MUC4: variants seen among roughly 807,000 people sequenced by gnomAD.
MUC4 encodes the protein mucin-4.
In MUC4, 202 loss-of-function variants were observed where a neutral mutation model predicts 257.9. That is an observed-to-expected ratio of 0.78 (90% CI 0.70 to 0.88). The LOEUF is 0.88. Among genes scored for constraint, MUC4 ranks in the 40% least tolerant of loss-of-function variants. The pLI is 0.00. For missense variants in MUC4, 5,976 were observed against 6,513.7 expected (o/e 0.92, Z 2.84); for synonymous variants, 2,351 against 2,757.1 (o/e 0.85, Z 4.62).
At chr3:195,763,967 ATCC>A (rs560466806) in intron 11 of MUC4, 75 bp downstream of exon 11, 699,622 of 1,531,192 alleles carry the variant, frequency 0.46, 165,676 homozygotes, top group East Asian at 0.73. Flanking sequence ...CCTACTCCTT[ATCC>A]AGATGCCACC....
chr3:195,766,816 C>T (rs942004539), intron 7 of MUC4, 65 bp from the exon 8 acceptor site: 27 of 1,456,700 alleles, frequency 1.9e-5, no homozygotes, highest in South Asian at 4.6e-5. Flanking sequence ...GGTTGCAAGG[C>T]GTCCATTCAT....
chr3:195,754,279 A>G lies in MUC4; in HGVS notation c.15262T>C (p.Cys5088Arg). The change falls in exon 19 of 25, where the codon TGC becomes CGC. Residue 5088 changes from cysteine (C) to arginine (R), a missense_variant. Physicochemically the swap from Cys to Arg is radical, Grantham distance 180. Transcript: ENST00000463781. ...GCCTCGCAGCCCTTCCCAGGAACGC[A>G]GTGGACACTCGGGAAGCACGGCTCC... is the stretch of plus-strand genomic sequence containing the variant. ...CEEPCFPSVH[C>R]VPGKGCEACP... is the part of the protein sequence containing the mutation. The G allele has an allele frequency of 6.2e-7, 1 of 1,613,986 alleles. No individual in the cohort carries two copies.
At chr3:195,751,513 C>A in intron 21 of MUC4, 2 of 590,338 alleles carry the variant, frequency 3.4e-6, no homozygotes. Context: ...CCCCCTCAGC[C>A]TCATATGACG....
At position 195,787,276 on chromosome 3, in the gene MUC4, G is replaced by C. The variant is rs763735233; in HGVS notation, c.4304C>G (p.Thr1435Arg). ...TACAGGAAGAGAGGTGGCGTGATCT[G>C]TGGACACTGAGGAAGCGTCGGTGAC... ...LPVTDASSVS[T>R]DHATSLPVTI... Residue 1435 changes from threonine (T) to arginine (R), a missense_variant, in exon 2 of 25, where the codon ACA (threonine) becomes AGA (arginine). Thr to Arg is a moderately conservative substitution (Grantham distance 71). This residue lies in a region of MUC4 where 58 missense variants were observed against 65.4 expected (regional missense o/e 0.89). Coordinates refer to ENST00000463781, the MANE Select transcript of MUC4 (RefSeq NM_018406.7). The C allele has an allele frequency of 9.3e-6, 3 of 323,688 alleles. No individual in the cohort carries two copies. The highest frequency in any genetic ancestry group is 1.4e-4 in the East Asian group (2 of 14,284). 20.1% of individuals were successfully genotyped at this position (323,688 alleles called of 1,614,324 possible). A position where few individuals can be genotyped will look rare whatever the true frequency, so the allele number is the denominator to read the frequency against.
intron 17 of MUC4, among the ~76,000 whole-genome samples, chr3:195,758,380 A>G (rs1466429433): frequency 1.3e-5 from 2 of 152,150 alleles, no homozygotes; most frequent in Admixed American, 6.5e-5. Flanking sequence ...AAGAGCAAGA[A>G]AGGTACCAAA....
Position 195,785,444 on chromosome 3 carries a change from C to A in MUC4, c.6136G>T (p.Asp2046Tyr), listed in dbSNP as rs1408953580. 4 of 1,511,354 alleles carry A rather than the reference C, an allele frequency of 2.6e-6. No individual in the cohort carries two copies. The highest frequency in any genetic ancestry group is 2.0e-5 in the Admixed American group (1 of 49,192). 93.6% of individuals were successfully genotyped at this position (1,511,354 alleles called of 1,614,324 possible). A position where few individuals can be genotyped will look rare whatever the true frequency, so the allele number is the denominator to read the frequency against. Residue 2046 changes from aspartate (D) to tyrosine (Y), a missense_variant, in exon 2 of 25, where the codon GAC becomes TAC. Coordinates refer to ENST00000463781, the MANE Select transcript of MUC4 (RefSeq NM_018406.7). ...TDTSSASTGQDTPLPVTSLSS... is the reference protein window; with the variant it reads ...TDTSSASTGQYTPLPVTSLSS... ...AGGCTGGTGACAGGAAGAGGGGTGTCCTGACCTGTGGATGCTGAGGAAGTA... is the reference window on the plus strand; with the variant it reads ...AGGCTGGTGACAGGAAGAGGGGTGTACTGACCTGTGGATGCTGAGGAAGTA...
Position 195,787,530 on chromosome 3 carries a change from AGCGTCG to A in MUC4, c.4044_4049del (p.Asp1349_Ala1350del). 1.1e-6 allele frequency: 1 copy of A among 873,062 alleles called. No homozygotes were observed. The highest frequency in any genetic ancestry group is 1.6e-6 in the Non-Finnish European group (1 of 634,604). 54.1% of individuals were successfully genotyped at this position (873,062 alleles called of 1,614,324 possible). ...TGGTGTGACCTGTGGATACTGAGGA[AGCGTCG>A]GTGACAGGAAGAGGGGTGGTGTCAC... On this transcript the variant is annotated inframe_deletion, in exon 2 of 25. Transcript: ENST00000463781.
chr3:195,799,263 C>T (rs904452604), intron 1 of MUC4, among the ~76,000 whole-genome samples: 9 of 75,892 alleles, frequency 1.2e-4, no homozygotes, highest in Middle Eastern at 5.2e-3. Flanking sequence ...GTGTGTGTGA[C>T]ACTGTGTGTG....
chr3:195,789,334 C>T lies in MUC4; in HGVS notation c.2246G>A (p.Gly749Glu), dbSNP rs1234360284. Residue 749 changes from glycine to glutamate, a missense_variant, in exon 2 of 25, where the codon GGG (glycine) becomes GAG (glutamate). Gly to Glu is a moderately conservative substitution (Grantham distance 98). This residue lies in a region of MUC4 where 1,583 missense variants were observed against 1,257.4 expected (regional missense o/e 1.26). Coordinates refer to ENST00000463781, the MANE Select transcript of MUC4 (RefSeq NM_018406.7). Reference sequence around the variant, plus strand: ...TGATGTCCATTGTCCTTCTGGGCCCCCTGGTGTTGACACTACAGAGTTGGC... The same window carrying T: ...TGATGTCCATTGTCCTTCTGGGCCCTCTGGTGTTGACACTACAGAGTTGGC... ...TLANSVVSTPGGPEGQWTSAS... is the reference protein window; with the variant it reads ...TLANSVVSTPEGPEGQWTSAS... 21 of 1,613,754 alleles carry T rather than the reference C, an allele frequency of 1.3e-5. No individual in the cohort carries two copies. The highest frequency in any genetic ancestry group is 1.8e-5 in the Non-Finnish European group (21 of 1,179,878).
At chr3:195,794,713 G>A (rs936634607) in intron 1 of MUC4, among the ~76,000 whole-genome samples, 2 of 152,116 alleles carry the variant, frequency 1.3e-5, no homozygotes, top group African/African-American at 4.8e-5. Flanking sequence ...TACTCAGAGA[G>A]ACAAAGTCTC....
rs762161806 is a variant in MUC4, at chr3:195,774,185, C to T, written c.13064G>A (p.Arg4355His). ...ATGFPLGSSLRDSLYFTDNGQ... is the reference protein window; with the variant it reads ...ATGFPLGSSLHDSLYFTDNGQ... ...GCCCGGACTCACGTAGAGGGAATCA[C>T]GGAGAGAGGAGCCAAGGGGGAAGCC... Residue 4355 changes from arginine to histidine, a missense_variant, in exon 4 of 25, where the codon CGT (arginine) becomes CAT (histidine). Physicochemically the swap from Arg to His is conservative, Grantham distance 29. This residue lies in a region of MUC4 where 233 missense variants were observed against 171.2 expected (regional missense o/e 1.36). Transcript: ENST00000463781. 7.5e-6 allele frequency: 12 copies of T among 1,607,740 alleles called. No individual in the cohort carries two copies. The highest frequency in any genetic ancestry group is 2.3e-5 in the East Asian group (1 of 44,084).
At position 195,788,816 on chromosome 3, in the gene MUC4, T is replaced by C; in HGVS notation, c.2764A>G (p.Ile922Val). The C allele has an allele frequency of 6.2e-7, 1 of 1,613,896 alleles. No homozygotes were observed. The highest frequency in any genetic ancestry group is 1.3e-5 in the African/African-American group (1 of 75,002). The stretch of plus-strand genomic sequence containing the variant: ...TCGGTTGCCTGGGACGCCAGGCTGA[T>C]AGTGTCAGACCCTCTGCTGGTTCTT... The part of the protein sequence containing the change: ...RTRTSRGSDT[I>V]SLASQATDTF... The change falls in exon 2 of 25, where the codon ATC becomes GTC. Residue 922 changes from isoleucine (I) to valine (V), a missense_variant. Coordinates refer to ENST00000463781, the MANE Select transcript of MUC4 (RefSeq NM_018406.7).
At chr3:195,759,380 G>A in intron 16 of MUC4, 119 bp from the exon 17 acceptor site, 1 of 1,337,338 alleles carries the variant, frequency 7.5e-7, no homozygotes, top group Non-Finnish European at 1.0e-6. Context: ...CCCACCTCTG[G>A]AAGAAGGAAT....
chr3:195,757,154 GA>G lies in MUC4; in HGVS notation c.15160del (p.Ser5054ProfsTer48), dbSNP rs1296587556. On this transcript the variant is annotated frameshift_variant, in exon 18 of 25. Coordinates refer to ENST00000463781, the MANE Select transcript of MUC4 (RefSeq NM_018406.7). LOFTEE classifies it high-confidence loss of function. The surrounding 1 kb of genome is among the most constrained non-coding windows in gnomAD (Gnocchi z 4.8). ...YNQTSRVGNSSLEVAGCKCDG... is the reference protein window; with the variant it reads ...YNQTSRVGNSXLEVAGCKCDG... ...CCACCTCCCAACACTCACCTCCAGG[GA>G]GGAGTTGCCCACCCTGCTGGTCTGA... is the stretch of plus-strand genomic sequence containing the variant. 1 of 1,594,128 alleles carries G rather than the reference GA, an allele frequency of 6.3e-7. No homozygotes were observed. The highest frequency in any genetic ancestry group is 2.3e-5 in the East Asian group (1 of 44,236).
chr3:195,811,655 C>T, intron 1 of MUC4, 81 bp downstream of exon 1: 4 of 1,266,982 alleles, frequency 3.2e-6, no homozygotes, highest in Non-Finnish European at 4.6e-6. Flanking sequence ...TCTCTGTCTC[C>T]CCGGACCTCT....
chr3:195,767,988 G>A (rs1419312934), intron 7 of MUC4, among the ~76,000 whole-genome samples: 2 of 149,756 alleles, frequency 1.3e-5, no homozygotes, highest in East Asian at 3.9e-4. Context: ...ACCGTCCCCA[G>A]GTGTGGGGTC....
At position 195,779,172 on chromosome 3, in the gene MUC4, T is replaced by G. The variant is rs1385699868; in HGVS notation, c.12408A>C (p.Ser4136=). ...GAGGCGTGGTGTCACCTGTGGATAC[T>G]GAGGAAAGGCTGGTGACAGGAAGAG... is the stretch of plus-strand genomic sequence containing the variant. ...ATPLPVTSLS[S]VSTGDTTPLP... is the part of the protein sequence containing the mutation. Residue 4136 remains serine, a synonymous_variant, in exon 2 of 25, where the codon TCA becomes TCC. Coordinates refer to ENST00000463781, the MANE Select transcript of MUC4 (RefSeq NM_018406.7). 5 of 1,405,066 alleles carry G rather than the reference T, an allele frequency of 3.6e-6. No individual in the cohort carries two copies. The highest frequency in any genetic ancestry group is 1.3e-5 in the South Asian group (1 of 79,452). 87.0% of individuals were successfully genotyped at this position (1,405,066 alleles called of 1,614,324 possible).
chr3:195,793,171 T>C (rs758355161), intron 1 of MUC4, among the ~76,000 whole-genome samples: 1 of 151,654 alleles, frequency 6.6e-6, no homozygotes, highest in Admixed American at 6.6e-5. Flanking sequence ...AATTAATATA[T>C]CACAACTGTA....
At position 195,790,529 on chromosome 3, in the gene MUC4, T is replaced by G. The variant is rs751894589; in HGVS notation, c.1051A>C (p.Thr351Pro). 21 of 1,613,786 alleles carry G rather than the reference T, an allele frequency of 1.3e-5. No homozygotes were observed. The highest frequency in any genetic ancestry group is 2.2e-5 in the South Asian group (2 of 91,076). The change falls in exon 2 of 25, where the codon ACT becomes CCT. Residue 351 changes from threonine (T) to proline (P), a missense_variant. By Grantham distance (38) the Thr-to-Pro change is conservative (BLOSUM62 -1). Coordinates refer to ENST00000463781, the MANE Select transcript of MUC4 (RefSeq NM_018406.7). ...AATCCACTTGGTGAGGATAAAACAG[T>G]TGATGTTGTAACCGGTGTGAGGGTG... The part of the protein sequence containing the change: ...LNTLTPVTTS[T>P]VLSSPSGFNP...
Sources: allele counts gnomAD v4.1 joint callset (sites outside exome capture counted in the v4.1 genomes callset), GRCh38; gene constraint gnomAD v4.1.1; regional missense constraint gnomAD v4.1.1; non-coding constraint Gnocchi (gnomAD v3.1); transcripts MANE v1.5; gene names NCBI Gene and HGNC (gene_info 2026-07-23, HGNC 2026-07-21).